Variants in MAMLD1 observed in about 807,000 individuals in gnomAD.
MAMLD1 encodes the protein mastermind like domain containing 1, also known as mastermind-like domain-containing protein 1.
MAMLD1 carries 14 observed loss-of-function variants against 45.0 expected under a neutral mutation model. The ratio of observed to expected loss-of-function variants is 0.31; its 90% CI spans 0.21 to 0.49. The LOEUF is 0.49. Ranked by LOEUF, MAMLD1 falls within the 20% of genes least tolerant of loss-of-function variation. The pLI, the probability that MAMLD1 is intolerant of heterozygous loss-of-function variation, is 0.99. For synonymous variants in MAMLD1, 254 were observed against 247.8 expected (o/e 1.02, Z -0.24); for missense variants, 543 against 603.6 (o/e 0.90, Z 1.05).
chrX:150,488,616 T>C (rs2037072393), intron 5 of MAMLD1, among the ~76,000 whole-genome samples: 1 of 113,221 alleles, frequency 8.8e-6, no homozygotes, highest in South Asian at 3.6e-4. Context: ...ACAAACTGAC[T>C]AAAAGTATAT....
chrX:150,427,281 A>G (rs187770474), intron 1 of MAMLD1, among the ~76,000 whole-genome samples: 2 of 112,304 alleles, frequency 1.8e-5, no homozygotes, highest in Admixed American at 9.4e-5. Context: ...ACATAATTCA[A>G]TCCATAACAT....
At chrX:150,508,922 A>G (rs1557408991) in intron 6 of MAMLD1, among the ~76,000 whole-genome samples, 1 of 111,550 alleles carries the variant, frequency 9.0e-6, no homozygotes, top group African/African-American at 3.3e-5. Context: ...CAAGCACTGG[A>G]CTGGGAGTCA....
At chrX:150,449,495 C>T (rs1038375204) in intron 2 of MAMLD1, among the ~76,000 whole-genome samples, 1 of 111,511 alleles carries the variant, frequency 9.0e-6, no homozygotes, top group Non-Finnish European at 1.9e-5. Flanking sequence ...GTCACCTCCT[C>T]CCTTTGTGTT....
chrX:150,417,077 G>A (rs2034271635), intron 1 of MAMLD1, among the ~76,000 whole-genome samples: 1 of 109,801 alleles, frequency 9.1e-6, no homozygotes, highest in African/African-American at 3.3e-5. Flanking sequence ...AGTTACATAT[G>A]TATACATGTG....
intron 5 of MAMLD1, among the ~76,000 whole-genome samples, chrX:150,498,856 G>A (rs782073557): frequency 9.8e-5 from 11 of 112,400 alleles, no homozygotes; most frequent in African/African-American, 3.6e-4. Context: ...TGGCCAAGTA[G>A]GGTAATGGCA....
chrX:150,403,403 G>C lies in MAMLD1; in HGVS notation c.-64+39873G>C, dbSNP rs1557402550. Among the ~76,000 whole-genome samples, 123 of 112,039 alleles carry C rather than the reference G, an allele frequency of 1.1e-3. 2 individuals are homozygous for C. Among genetic ancestry groups the C allele is most frequent in the African/African-American group, 3.7e-3 (115 of 30,795 alleles). ...CTAGAAAGTATAGTTGCACAGCAGT[G>C]TGAATGTACTAAATGGCACTGAATT... On this transcript the variant is annotated intron_variant, in intron 1 of 7. Transcript: ENST00000370401.
At chrX:150,438,140 G>A (rs1261590826) in intron 1 of MAMLD1, among the ~76,000 whole-genome samples, 2 of 111,917 alleles carry the variant, frequency 1.8e-5, no homozygotes, top group African/African-American at 6.5e-5. Flanking sequence ...TATGAATAGT[G>A]CTACCACAAA....
At chrX:150,477,556 A>G (rs1366271859) in intron 5 of MAMLD1, among the ~76,000 whole-genome samples, 1 of 111,758 alleles carries the variant, frequency 8.9e-6, no homozygotes, top group Non-Finnish European at 1.9e-5. Context: ...AAGGCAGCAG[A>G]CACAGGTTGG....
chrX:150,414,050 A>G (rs1480766841), intron 1 of MAMLD1, among the ~76,000 whole-genome samples: 10 of 99,098 alleles, frequency 1.0e-4, no homozygotes, highest in African/African-American at 3.6e-4. Context: ...AAAAAAAAAG[A>G]GCCATAAACT....
At chrX:150,399,071 G>A (rs1046002854) in intron 1 of MAMLD1, among the ~76,000 whole-genome samples, 3 of 112,161 alleles carry the variant, frequency 2.7e-5, no homozygotes, top group Non-Finnish European at 5.6e-5. Flanking sequence ...ATATTTTCAA[G>A]CAAGGAAGAT....
intron 1 of MAMLD1, among the ~76,000 whole-genome samples, chrX:150,391,276 C>G (rs1333772119): frequency 4.5e-5 from 5 of 112,055 alleles, no homozygotes; most frequent in African/African-American, 1.6e-4. Flanking sequence ...CTCTTCCTCT[C>G]TTTCTGGGTT....
chrX:150,452,651 T>G (rs1015249994), intron 2 of MAMLD1, among the ~76,000 whole-genome samples: 10 of 109,063 alleles, frequency 9.2e-5, no homozygotes, highest in Admixed American at 8.7e-4. Flanking sequence ...GTGCACATTG[T>G]GCAGGTTAGT....
chrX:150,468,845 T>C (rs954128010), intron 3 of MAMLD1, among the ~76,000 whole-genome samples: 24 of 111,395 alleles, frequency 2.2e-4, no homozygotes, highest in African/African-American at 6.9e-4. Context: ...TGAGTCGTTC[T>C]CGTTAAAGAC....
intron 1 of MAMLD1, among the ~76,000 whole-genome samples, chrX:150,431,228 G>A (rs1432578490): frequency 9.0e-6 from 1 of 111,579 alleles, no homozygotes; most frequent in Non-Finnish European, 1.9e-5. Flanking sequence ...CGATGTCTGT[G>A]TGTTCATTGC....
intron 6 of MAMLD1, among the ~76,000 whole-genome samples, chrX:150,508,450 G>A (rs1238757256): frequency 8.5e-5 from 9 of 106,142 alleles, no homozygotes; most frequent in South Asian, 4.6e-4. Flanking sequence ...CTGCCCACAC[G>A]GCAGCTCCAG....
In MAMLD1 at chrX:150,513,203, C is replaced by G. The variant is rs2037954414; in HGVS notation, c.*1244C>G. ...CAGCCCATGCTTATCCCTCTCTCTA[C>G]CTGTGACAAAATGGAAAGCTGGTGA... On this transcript the variant is annotated 3_prime_UTR_variant, in exon 8 of 8. Transcript: ENST00000370401. 1.9e-6 allele frequency: 1 copy of G among 539,676 alleles called. No homozygotes were observed. Among genetic ancestry groups the G allele is most frequent in the African/African-American group, 2.3e-5 (1 of 42,707 alleles). 44.5% of individuals were successfully genotyped at this position (539,676 alleles called of 1,213,427 possible).
At chrX:150,453,752 C>T (rs2035747584) in intron 2 of MAMLD1, among the ~76,000 whole-genome samples, 2 of 111,952 alleles carry the variant, frequency 1.8e-5, no homozygotes, top group Non-Finnish European at 3.8e-5. Flanking sequence ...GACAGGCACA[C>T]TGGCTGCCTG....
chrX:150,435,229 C>A (rs891611358), intron 1 of MAMLD1, among the ~76,000 whole-genome samples: 4 of 111,795 alleles, frequency 3.6e-5, no homozygotes, highest in Middle Eastern at 9.4e-3. Context: ...AGAATAGCAA[C>A]CCCTGGCCAG....
At chrX:150,471,832 C>A (rs1915923220) in intron 4 of MAMLD1, among the ~76,000 whole-genome samples, 1 of 112,139 alleles carries the variant, frequency 8.9e-6, no homozygotes, top group African/African-American at 3.2e-5. Context: ...CTAGTGAATC[C>A]TTCTTAAGAT....
Sources: allele counts gnomAD v4.1 joint callset (sites outside exome capture counted in the v4.1 genomes callset), GRCh38; gene constraint gnomAD v4.1.1; transcripts MANE v1.5; gene names NCBI Gene and HGNC (gene_info 2026-07-23, HGNC 2026-07-21).